Variants in CTNNA2 observed in about 807,000 individuals in gnomAD.
CTNNA2 encodes the protein catenin alpha-2.
Under a neutral mutation model 101.0 loss-of-function variants are expected in CTNNA2, and 42 were observed. That is an observed-to-expected ratio of 0.42 (90% CI 0.32 to 0.54). The LOEUF (loss-of-function observed/expected upper bound fraction) is 0.54, where lower values mean the gene tolerates loss of function less well. Among genes scored for constraint, CTNNA2 ranks in the 20% least tolerant of loss-of-function variants. The pLI, the probability that CTNNA2 is intolerant of heterozygous loss-of-function variation, is 0.14. For missense variants in CTNNA2, 871 were observed against 1,223.1 expected (o/e 0.71, Z 4.29); for synonymous variants, 450 against 456.4 (o/e 0.99, Z 0.18).
chr2:80,399,947 C>G (rs1183099836), intron 8 of CTNNA2, among the ~76,000 whole-genome samples: 3 of 152,238 alleles, frequency 2.0e-5, no homozygotes, highest in Non-Finnish European at 4.4e-5. Context: ...TTTACTACAC[C>G]CATCCTGGTT....
intron 3 of CTNNA2, among the ~76,000 whole-genome samples, chr2:79,794,083 G>A (rs993785548): frequency 6.6e-6 from 1 of 151,550 alleles, no homozygotes; most frequent in African/African-American, 2.4e-5. Context: ...CGCCACCAAA[G>A]AACTTACTCA....
At chr2:80,409,527 A>T (rs1559085526) in intron 8 of CTNNA2, among the ~76,000 whole-genome samples, 1 of 151,956 alleles carries the variant, frequency 6.6e-6, no homozygotes, top group East Asian at 1.9e-4. Context: ...GTGAGAGGAG[A>T]TGGCTTGTCT....
At chr2:79,342,706 C>G (rs983899180) in intron 3 of CTNNA2, among the ~76,000 whole-genome samples, 1 of 152,184 alleles carries the variant, frequency 6.6e-6, no homozygotes, top group Non-Finnish European at 1.5e-5. Context: ...CGTTCTGGTG[C>G]TAACAATTGC....
At chr2:79,634,832 A>G (rs962332599) in intron 1 of CTNNA2, 6 of 152,426 alleles carry the variant, frequency 3.9e-5, no homozygotes, top group African/African-American at 1.4e-4. Flanking sequence ...AACAGCTAGC[A>G]GTTCACTAGG....
At chr2:80,564,623 T>G (rs1333074993) in intron 12 of CTNNA2, among the ~76,000 whole-genome samples, 1 of 152,160 alleles carries the variant, frequency 6.6e-6, no homozygotes, top group African/African-American at 2.4e-5. Flanking sequence ...GATTTATGTT[T>G]GAAATATACA....
At chr2:80,258,158 C>A (rs147484320) in intron 7 of CTNNA2, among the ~76,000 whole-genome samples, 247 of 152,268 alleles carry the variant, frequency 1.6e-3, no homozygotes, top group African/African-American at 5.5e-3. Context: ...ATAAATTTTT[C>A]TTGCTTTGAA....
chr2:80,014,471 T>A (rs1041126332), intron 7 of CTNNA2, among the ~76,000 whole-genome samples: 1 of 152,090 alleles, frequency 6.6e-6, no homozygotes, highest in Non-Finnish European at 1.5e-5. Flanking sequence ...CTTATGTAAC[T>A]CTTGATGTTT....
At chr2:79,534,217 A>C (rs977014187) in intron 1 of CTNNA2, among the ~76,000 whole-genome samples, 1 of 152,084 alleles carries the variant, frequency 6.6e-6, no homozygotes, top group Non-Finnish European at 1.5e-5. Context: ...TCTATATTTA[A>C]TAATTATTAT....
chr2:80,354,378 G>T (rs1332657188), intron 7 of CTNNA2, among the ~76,000 whole-genome samples: 2 of 152,056 alleles, frequency 1.3e-5, no homozygotes, highest in Non-Finnish European at 2.9e-5. Context: ...TTTGTCCAAT[G>T]CCATCATAAC....
At chr2:79,994,285 C>G (rs749575545) in intron 7 of CTNNA2, among the ~76,000 whole-genome samples, 1 of 152,146 alleles carries the variant, frequency 6.6e-6, no homozygotes, top group Admixed American at 6.5e-5. Context: ...GCCACAGACC[C>G]GTCCTGGGAA....
Position 79,800,438 on chromosome 2 carries a change from A to G in CTNNA2, c.298+55856A>G, listed in dbSNP as rs1384997192. Among the ~76,000 whole-genome samples the G allele has an allele frequency of 8.5e-5, 13 of 152,172 alleles. No individual in the cohort carries two copies. In the East Asian group the frequency reaches 2.5e-3, roughly 29 times the overall value. ...CTTCCTTGTCTTATTCTCATTTGCT[A>G]TTAGTATTACCTTTATTTGTCAATA... On this transcript the variant is annotated intron_variant, in intron 3 of 18. Transcript: ENST00000402739.
chr2:79,512,194 T>A (rs1444251765), upstream of CTNNA2, among the ~76,000 whole-genome samples: 2 of 152,116 alleles, frequency 1.3e-5, no homozygotes, highest in African/African-American at 4.8e-5. Context: ...GTTCCCCAAC[T>A]ACAGTATAAC....
At chr2:79,917,166 G>A (rs1360755544) in intron 7 of CTNNA2, among the ~76,000 whole-genome samples, 2 of 151,770 alleles carry the variant, frequency 1.3e-5, no homozygotes, top group Non-Finnish European at 2.9e-5. Flanking sequence ...CAGCCTCCCA[G>A]GTTCAAGTGA....
intron 3 of CTNNA2, among the ~76,000 whole-genome samples, chr2:79,818,930 A>G (rs1405964265): frequency 7.1e-6 from 1 of 141,058 alleles, no homozygotes; most frequent in Non-Finnish European, 1.5e-5. Flanking sequence ...CATACACACA[A>G]AAGTATTGCT....
chr2:80,647,470 C>A, intron 18 of CTNNA2, 115 bp from the exon 19 acceptor site: 2 of 916,106 alleles, frequency 2.2e-6, no homozygotes, highest in Non-Finnish European at 3.3e-6. Context: ...TCCTTTTCAG[C>A]AATACTATTT....
At chr2:79,439,121 T>G (rs1678750172) in intron 4 of CTNNA2, among the ~76,000 whole-genome samples, 1 of 152,230 alleles carries the variant, frequency 6.6e-6, no homozygotes, top group Non-Finnish European at 1.5e-5. Flanking sequence ...AGTGTACACA[T>G]GTTCACAGCA....
chr2:80,179,707 A>T (rs1242858802), intron 7 of CTNNA2, among the ~76,000 whole-genome samples: 1 of 152,166 alleles, frequency 6.6e-6, no homozygotes, highest in African/African-American at 2.4e-5. Context: ...CAAGTCCTTG[A>T]TGATGGCACT....
At chr2:79,679,190 T>C (rs1233484215) in intron 2 of CTNNA2, among the ~76,000 whole-genome samples, 1 of 152,222 alleles carries the variant, frequency 6.6e-6, no homozygotes, top group Non-Finnish European at 1.5e-5. Flanking sequence ...GTTTTCCTGG[T>C]GTATCTAAAA....
chr2:79,567,378 A>G (rs1277003358), intron 1 of CTNNA2, among the ~76,000 whole-genome samples: 2 of 152,118 alleles, frequency 1.3e-5, no homozygotes, highest in African/African-American at 2.4e-5. Flanking sequence ...ATCTATTTCT[A>G]CATTTACTAG....
Sources: gnomAD v4.1 joint callset for allele counts (sites outside exome capture counted in the v4.1 genomes callset) on GRCh38, gnomAD v4.1.1 for gene constraint, MANE v1.5 for transcripts, NCBI Gene and HGNC (gene_info 2026-07-23, HGNC 2026-07-21) for gene names.